PLXNA4: variants seen among roughly 807,000 people sequenced by gnomAD.
PLXNA4 encodes plexin-A4.
A neutral mutation model predicts 191.8 loss-of-function variants in PLXNA4; 44 were observed. The ratio of observed to expected loss-of-function variants is 0.23; its 90% CI spans 0.18 to 0.29. The LOEUF (loss-of-function observed/expected upper bound fraction) is 0.29. Ranked by LOEUF, PLXNA4 falls within the 10% of genes least tolerant of loss-of-function variation. The pLI, the probability that PLXNA4 is intolerant of heterozygous loss-of-function variation, is 1.00. For synonymous variants in PLXNA4, 1,082 were observed against 1,009.5 expected, an observed-to-expected ratio of 1.07 and a Z score of -1.36; for missense variants, 1,800 against 2,488.8, an observed-to-expected ratio of 0.72 and a Z score of 5.89.
At chr7:132,581,398 A>C (rs1802399832), upstream of PLXNA4, among the ~76,000 whole-genome samples, 1 of 151,888 alleles carries the variant, frequency 6.6e-6, no homozygotes, top group Non-Finnish European at 1.5e-5. Context: ...CCGAATTTCA[A>C]CTCCCAGCCT....
At chr7:132,230,538 G>A (rs554409396) in intron 5 of PLXNA4, among the ~76,000 whole-genome samples, 14 of 152,198 alleles carry the variant, frequency 9.2e-5, no homozygotes, top group Non-Finnish European at 2.1e-4. Context: ...GGTCACCCCC[G>A]TGGCACTTCC....
At chr7:132,495,327 G>A (rs144090471) in intron 2 of PLXNA4, among the ~76,000 whole-genome samples, 1 of 152,320 alleles carries the variant, frequency 6.6e-6, no homozygotes, top group Non-Finnish European at 1.5e-5. Context: ...AGGTCAGCAG[G>A]TCCATCCCCC....
At chr7:132,325,052 C>A (rs931180116) in intron 3 of PLXNA4, among the ~76,000 whole-genome samples, 11 of 152,186 alleles carry the variant, frequency 7.2e-5, no homozygotes, top group African/African-American at 2.7e-4. Flanking sequence ...TGTAACGCAT[C>A]AGACACCTGC....
chr7:132,503,295 C>T (rs987312001), intron 2 of PLXNA4, among the ~76,000 whole-genome samples: 1 of 152,184 alleles, frequency 6.6e-6, no homozygotes, highest in Non-Finnish European at 1.5e-5. Context: ...TTGCCAAGCC[C>T]TTCCCTAGGG....
chr7:132,133,434 T>C (rs1300130864), intron 30 of PLXNA4, among the ~76,000 whole-genome samples: 14 of 152,250 alleles, frequency 9.2e-5, no homozygotes, highest in African/African-American at 3.4e-4. Context: ...GGGAAGGGAT[T>C]TGGGGAGTGG....
Position 132,203,336 on chromosome 7 carries a change from T to C in PLXNA4, c.2382A>G (p.Pro794=). The change falls in exon 11 of 32, where the codon CCA becomes CCG. Residue 794 remains proline, a synonymous_variant. Coordinates refer to ENST00000321063, the MANE Select transcript of PLXNA4 (RefSeq NM_020911.2). The part of the protein sequence containing the change: ...VWNGHFNIDN[P]AQNKVHLYKC... ...GCCCTTCCACACCTTTATTCTGAGC[T>C]GGGTTGTCAATGTTGAAGTGCCCAT... 1 of 1,613,770 alleles carries C rather than the reference T, an allele frequency of 6.2e-7. No homozygotes were observed. Among genetic ancestry groups the C allele is most frequent in the South Asian group, 1.1e-5 (1 of 91,070 alleles).
chr7:132,397,157 C>G (rs570482149), intron 3 of PLXNA4, among the ~76,000 whole-genome samples: 72 of 152,208 alleles, frequency 4.7e-4, no homozygotes, highest in Non-Finnish European at 1.6e-4. Flanking sequence ...AAGATAAAAG[C>G]GCAGGAACCA....
chr7:132,477,212 A>G (rs1797165026), intron 3 of PLXNA4, among the ~76,000 whole-genome samples: 1 of 152,216 alleles, frequency 6.6e-6, no homozygotes, highest in Non-Finnish European at 1.5e-5. Context: ...AGAATTATCC[A>G]CAAAATATTC....
intron 3 of PLXNA4, among the ~76,000 whole-genome samples, chr7:132,305,513 G>A (rs941662084): frequency 6.6e-6 from 1 of 152,044 alleles, no homozygotes; most frequent in Non-Finnish European, 1.5e-5. Flanking sequence ...GCCCCCTGCC[G>A]ATCCACCAGT....
At chr7:132,301,373 G>T (rs1801299751) in intron 3 of PLXNA4, among the ~76,000 whole-genome samples, 3 of 152,172 alleles carry the variant, frequency 2.0e-5, no homozygotes, top group Non-Finnish European at 2.9e-5. Flanking sequence ...TTATTGAGTG[G>T]CCACTATGGG....
intron 12 of PLXNA4, among the ~76,000 whole-genome samples, chr7:132,202,218 G>A (rs1323321252): frequency 3.3e-5 from 5 of 152,136 alleles, no homozygotes; most frequent in African/African-American, 7.2e-5. Context: ...AGACCTCTCT[G>A]TTGTGACCTT....
chr7:132,539,848 G>A (rs1246141284), intron 1 of PLXNA4, among the ~76,000 whole-genome samples: 1 of 152,196 alleles, frequency 6.6e-6, no homozygotes, highest in Non-Finnish European at 1.5e-5. Flanking sequence ...GGCTTAGAGA[G>A]TTTTTGAAAG....
chr7:132,138,421 C>T (rs1795175229), intron 30 of PLXNA4, among the ~76,000 whole-genome samples: 1 of 152,138 alleles, frequency 6.6e-6, no homozygotes, highest in Non-Finnish European at 1.5e-5. Context: ...GAGGTCTGCC[C>T]TGCCGGACTT....
At chr7:132,582,109 G>C (rs1334177693), upstream of PLXNA4, among the ~76,000 whole-genome samples, 1 of 151,902 alleles carries the variant, frequency 6.6e-6, no homozygotes. Context: ...GGAGGCACAA[G>C]GTCCCGTAGT....
intron 3 of PLXNA4, among the ~76,000 whole-genome samples, chr7:132,317,758 G>A (rs1802003355): frequency 6.6e-6 from 1 of 152,206 alleles, no homozygotes; most frequent in Admixed American, 6.5e-5. Flanking sequence ...GCAAAATGGA[G>A]CAGCACAAGC....
intron 4 of PLXNA4, among the ~76,000 whole-genome samples, chr7:132,283,793 T>C (rs67627092): frequency 0.17 from 26,215 of 152,212 alleles, 2,816 homozygotes; most frequent in South Asian, 0.44. Context: ...TACTACTTCC[T>C]ACATTTGTCA....
At chr7:132,557,129 A>C (rs140714048) in intron 1 of PLXNA4, among the ~76,000 whole-genome samples, 1 of 152,244 alleles carries the variant, frequency 6.6e-6, no homozygotes, top group East Asian at 1.9e-4. Flanking sequence ...ACCCTGCCAC[A>C]TGAATGAATT....
intron 1 of PLXNA4, among the ~76,000 whole-genome samples, chr7:132,566,361 C>T (rs1056484044): frequency 7.9e-5 from 12 of 152,120 alleles, no homozygotes; most frequent in East Asian, 1.9e-4. Flanking sequence ...GCAGTGAAAA[C>T]GCTTTCCATG....
chr7:132,514,950 G>A (rs111926418), intron 1 of PLXNA4, among the ~76,000 whole-genome samples: 1,602 of 152,222 alleles, frequency 0.011, 34 homozygotes, highest in African/African-American at 0.036. Flanking sequence ...TTTATCCTCT[G>A]GGCATCTGTG....
Sources: allele counts gnomAD v4.1 joint callset (sites outside exome capture counted in the v4.1 genomes callset), GRCh38; gene constraint gnomAD v4.1.1; transcripts MANE v1.5; gene names NCBI Gene and HGNC (gene_info 2026-07-23, HGNC 2026-07-21).